The following NRXN1 variants were observed in gnomAD, a reference collection of about 807,000 sequenced individuals.
NRXN1 encodes neurexin 1.
A neutral mutation model predicts 150.9 loss-of-function variants in NRXN1; 39 were observed. The ratio of observed to expected loss-of-function variants is 0.26; its 90% CI spans 0.20 to 0.34. The LOEUF (loss-of-function observed/expected upper bound fraction) is 0.34. Among genes scored for constraint, NRXN1 ranks in the 10% least tolerant of loss-of-function variants. The pLI is 1.00. For synonymous variants in NRXN1, 924 were observed against 757.0 expected, an observed-to-expected ratio of 1.22 and a Z score of -3.62; for missense variants, 1,815 against 1,949.9, an observed-to-expected ratio of 0.93 and a Z score of 1.30.
intron 5 of NRXN1, among the ~76,000 whole-genome samples, chr2:50,861,017 T>A (rs541755997): frequency 1.3e-4 from 20 of 152,198 alleles, no homozygotes; most frequent in Non-Finnish European, 2.4e-4. Context: ...GATTTCTAGA[T>A]GTCAAAGTAA....
At chr2:51,007,039 G>C (rs187417215) in intron 2 of NRXN1, among the ~76,000 whole-genome samples, 2 of 151,872 alleles carry the variant, frequency 1.3e-5, no homozygotes, top group Admixed American at 1.3e-4. Flanking sequence ...CAGTGCCTAA[G>C]CTCAATGACT....
At chr2:50,718,347 G>A (rs989035349) in intron 5 of NRXN1, among the ~76,000 whole-genome samples, 12 of 152,130 alleles carry the variant, frequency 7.9e-5, no homozygotes, top group African/African-American at 2.2e-4. Context: ...GATGTGGATC[G>A]ACACAAATAA....
chr2:50,961,367 A>G (rs767317803), intron 2 of NRXN1, among the ~76,000 whole-genome samples: 1 of 151,870 alleles, frequency 6.6e-6, no homozygotes, highest in Non-Finnish European at 1.5e-5. Flanking sequence ...CACTGTAAGA[A>G]ATAAACACAC....
chr2:50,557,200 T>C lies in NRXN1; in HGVS notation c.1321-4175A>G, dbSNP rs144771764. On this transcript the variant is annotated intron_variant, in intron 8 of 22. Transcript: ENST00000401669. ...TTCAACAGAGCGGGAGTATGTGAAATTCAGTGTGAAAATATTTGCCACTCA... is the reference window on the plus strand; with the variant it reads ...TTCAACAGAGCGGGAGTATGTGAAACTCAGTGTGAAAATATTTGCCACTCA... 4.8e-3 allele frequency among the ~76,000 whole-genome samples: 724 copies of C among 152,290 alleles called. 3 individuals carry two copies. Among genetic ancestry groups the C allele is most frequent in the African/African-American group, 0.016 (682 of 41,560 alleles).
chr2:50,628,017 A>G (rs1374158123), intron 5 of NRXN1, among the ~76,000 whole-genome samples: 2 of 151,888 alleles, frequency 1.3e-5, no homozygotes, highest in South Asian at 2.1e-4. Context: ...CAGGTAATAT[A>G]TTAAGAAAGA....
chr2:50,681,376 A>G (rs1445084576), intron 5 of NRXN1, among the ~76,000 whole-genome samples: 1 of 152,202 alleles, frequency 6.6e-6, no homozygotes, highest in African/African-American at 2.4e-5. Flanking sequence ...TCTTCAAATA[A>G]ACAAAATAAT....
At chr2:50,521,487 T>C (rs947086133) in intron 12 of NRXN1, among the ~76,000 whole-genome samples, 32 of 152,200 alleles carry the variant, frequency 2.1e-4, no homozygotes, top group African/African-American at 7.5e-4. Flanking sequence ...AGGAAAACTG[T>C]TTTCATAATG....
At chr2:50,973,243 T>C (rs1695294980) in intron 2 of NRXN1, among the ~76,000 whole-genome samples, 1 of 151,994 alleles carries the variant, frequency 6.6e-6, no homozygotes, top group Non-Finnish European at 1.5e-5. Flanking sequence ...TGCAGAACCA[T>C]TAGCTAAACA....
At chr2:50,276,933 T>C (rs2070556287) in intron 17 of NRXN1, among the ~76,000 whole-genome samples, 1 of 152,182 alleles carries the variant, frequency 6.6e-6, no homozygotes, top group African/African-American at 2.4e-5. Context: ...TAGTCTTACT[T>C]CTAGCCCCCC....
At chr2:50,157,544 C>T (rs1417977473) in intron 18 of NRXN1, among the ~76,000 whole-genome samples, 1 of 151,990 alleles carries the variant, frequency 6.6e-6, no homozygotes, top group Non-Finnish European at 1.5e-5. Context: ...CTTACACACT[C>T]AGAGGCAGAT....
chr2:50,227,832 T>C (rs1276649027), intron 18 of NRXN1, among the ~76,000 whole-genome samples: 1 of 152,032 alleles, frequency 6.6e-6, no homozygotes, highest in Non-Finnish European at 1.5e-5. Flanking sequence ...AGTAGCCATA[T>C]GTTGAGCATT....
intron 13 of NRXN1, among the ~76,000 whole-genome samples, chr2:50,504,406 T>C (rs935873072): frequency 5.9e-5 from 9 of 152,104 alleles, no homozygotes; most frequent in Admixed American, 2.6e-4. Context: ...TACCCTCAAC[T>C]GGCTAAGAGA....
chr2:50,612,373 CTTGT>C (rs1043842177), intron 8 of NRXN1, among the ~76,000 whole-genome samples: 1 of 152,060 alleles, frequency 6.6e-6, no homozygotes, highest in African/African-American at 2.4e-5. Flanking sequence ...CCACCAAAAA[CTTGT>C]TTTTTTTCTT....
Position 50,912,915 on chromosome 2 carries a change from A to G in NRXN1, c.832+8954T>C, listed in dbSNP as rs190184829. 158 of 151,882 alleles carry G rather than the reference A, an allele frequency of 1.0e-3. 1 individual carries two copies. The highest frequency in any genetic ancestry group is 3.4e-3 in the Middle Eastern group (1 of 294). The allele number at this position is 151,882 out of a possible 1,614,324, so 9.4% of individuals were successfully genotyped here. A position where few individuals can be genotyped will look rare whatever the true frequency, so the allele number is the denominator to read the frequency against. On this transcript the variant is annotated intron_variant, in intron 5 of 22. Coordinates refer to ENST00000401669, the MANE Select transcript of NRXN1 (RefSeq NM_001330078.2). The stretch of plus-strand genomic sequence containing the variant: ...TAGGTGTTGGCTTTCTTTGGGATCA[A>G]TCAGCTTCTCTCTTCTTCCACCTCA...
Position 50,616,730 on chromosome 2 carries a change from C to T in NRXN1, c.1320+3292G>A, listed in dbSNP as rs116631846. Among the ~76,000 whole-genome samples, 603 of 152,264 alleles carry T rather than the reference C, an allele frequency of 4.0e-3. 4 individuals are homozygous for T. The highest frequency in any genetic ancestry group is 0.02 in the Middle Eastern group (6 of 294). On this transcript the variant is annotated intron_variant, in intron 8 of 22. Coordinates refer to ENST00000401669, the MANE Select transcript of NRXN1 (RefSeq NM_001330078.2). ...AATGATTTCCAGGATCCTTTCCATT[C>T]TAACACTCCAAAATTTCTTCCATGA...
chr2:50,879,381 A>AT (rs1339817147), intron 5 of NRXN1, among the ~76,000 whole-genome samples: 3 of 151,878 alleles, frequency 2.0e-5, no homozygotes, highest in Non-Finnish European at 2.9e-5. Context: ...ATTTCTAATT[A>AT]TTTTTTCTCT....
intron 18 of NRXN1, among the ~76,000 whole-genome samples, chr2:50,223,017 T>C (rs1208178820): frequency 6.6e-6 from 1 of 151,934 alleles, no homozygotes; most frequent in Non-Finnish European, 1.5e-5. Context: ...ATTTAAAATA[T>C]GGGCTTTCCT....
chr2:50,378,520 G>A (rs2080697497), intron 17 of NRXN1, among the ~76,000 whole-genome samples: 1 of 152,096 alleles, frequency 6.6e-6, no homozygotes, highest in South Asian at 2.1e-4. Context: ...TTTACTGGGA[G>A]CTGTAGCTAC....
chr2:50,627,829 G>A (rs1681439899), intron 5 of NRXN1, among the ~76,000 whole-genome samples: 1 of 151,614 alleles, frequency 6.6e-6, no homozygotes, highest in Non-Finnish European at 1.5e-5. Flanking sequence ...ACAGAAGTGG[G>A]ACTAGGATTC....
Sources: allele counts gnomAD v4.1 joint callset (sites outside exome capture counted in the v4.1 genomes callset), GRCh38; gene constraint gnomAD v4.1.1; transcripts MANE v1.5; gene names NCBI Gene and HGNC (gene_info 2026-07-23, HGNC 2026-07-21).